Variants in ADCY3 observed in about 807,000 individuals in gnomAD.
The protein encoded by ADCY3 is adenylate cyclase type 3.
Under a neutral mutation model 119.4 loss-of-function variants are expected in ADCY3, and 70 were observed. The ratio of observed to expected loss-of-function variants is 0.59; its 90% CI spans 0.48 to 0.72. The LOEUF is 0.72. Ranked by LOEUF, ADCY3 falls within the 30% of genes least tolerant of loss-of-function variation. The pLI, the probability that ADCY3 is intolerant of heterozygous loss-of-function variation, is 0.00. For missense variants in ADCY3, 1,238 were observed against 1,541.6 expected, an observed-to-expected ratio of 0.80 and a Z score of 3.30; for synonymous variants, 672 against 621.4, an observed-to-expected ratio of 1.08 and a Z score of -1.21.
At chr2:24,821,779 G>C in intron 19 of ADCY3, 139 bp from the exon 20 acceptor site, 1 of 1,308,540 alleles carries the variant, frequency 7.6e-7, no homozygotes, top group Non-Finnish European at 1.0e-6. Context: ...CCACAAAGGA[G>C]TCGCAGCCAC....
At chr2:24,852,194 C>T (rs894081081) in intron 3 of ADCY3, among the ~76,000 whole-genome samples, 8 of 152,262 alleles carry the variant, frequency 5.3e-5, no homozygotes, top group East Asian at 1.9e-4. Flanking sequence ...AACGGCCCAG[C>T]GGCTGCCTCG....
At position 24,886,462 on chromosome 2, in the gene ADCY3, C is replaced by T. The variant is rs935274774; in HGVS notation, c.676-13743G>A. On this transcript the variant is annotated intron_variant, in intron 2 of 21. Transcript: ENST00000679454. ...TTAGCAAACACGCCTCACCTCCACC[C>T]GGACCTTGCAAAGGGCCAGGTGGGA... Among the ~76,000 whole-genome samples, 12 of 152,184 alleles carry T rather than the reference C, an allele frequency of 7.9e-5. No homozygotes were observed. The East Asian group carries it at 1.3e-3, about 17-fold the overall frequency.
intron 18 of ADCY3, 129 bp downstream of exon 18, chr2:24,823,080 C>T: frequency 1.7e-6 from 2 of 1,212,050 alleles, no homozygotes; most frequent in Non-Finnish European, 2.2e-6. Flanking sequence ...CTGCAGAAGT[C>T]CATGTATTGC....
intron 2 of ADCY3, among the ~76,000 whole-genome samples, chr2:24,880,832 G>A (rs569950150): frequency 6.6e-6 from 1 of 152,240 alleles, no homozygotes; most frequent in East Asian, 1.9e-4. Context: ...CCTGGCCAAT[G>A]TGGCGAAACT....
chr2:24,819,832 TC>T lies in ADCY3; in HGVS notation c.*99del. On this transcript the variant is annotated 3_prime_UTR_variant, in exon 22 of 22. Coordinates refer to ENST00000679454, the MANE Select transcript of ADCY3 (RefSeq NM_004036.5). ...GCTGAGGAGGTTTCTAAACCTAAAG[TC>T]CATGAGTGTGCACTTCAATCCAGGA... 7.7e-7 allele frequency: 1 copy of T among 1,296,374 alleles called. No individual in the cohort carries two copies. Among genetic ancestry groups the T allele is most frequent in the South Asian group, 1.4e-5 (1 of 69,688 alleles). The allele number at this position is 1,296,374 out of a possible 1,614,324, so 80.3% of individuals were successfully genotyped here. A position where few individuals can be genotyped will look rare whatever the true frequency, so the allele number is the denominator to read the frequency against.
intron 3 of ADCY3, among the ~76,000 whole-genome samples, chr2:24,860,511 G>C (rs1673500206): frequency 6.6e-6 from 1 of 152,068 alleles, no homozygotes; most frequent in South Asian, 2.1e-4. Flanking sequence ...CAAGGCCTCA[G>C]GGCAGGGCAG....
At chr2:24,840,636 C>T (rs749227009) in intron 6 of ADCY3, 9 of 425,772 alleles carry the variant, frequency 2.1e-5, no homozygotes, top group South Asian at 6.8e-5. Flanking sequence ...CTTCCCTTTC[C>T]GTGTTGGTGC....
rs1189698981 is a variant in ADCY3 at position 24,834,430 on chromosome 2, G to A, written c.1967+55C>T. On this transcript the variant is annotated intron_variant, in intron 11 of 21. Coordinates refer to ENST00000679454, the MANE Select transcript of ADCY3 (RefSeq NM_004036.5). This position sits in a 1 kb window ranked among gnomAD's most constrained non-coding sequence, Gnocchi z 4.2. The stretch of plus-strand genomic sequence containing the variant: ...GCTGAGACACCTGCCCCCGCCCCCC[G>A]CCCGGCACCACCGCAGCCGAGGAAA... The A allele has an allele frequency of 5.3e-5, 73 of 1,371,746 alleles. No individual in the cohort carries two copies. The Middle Eastern group carries it at 8.0e-4, about 15-fold the overall frequency. 85.0% of individuals were successfully genotyped at this position (1,371,746 alleles called of 1,614,324 possible). A position where few individuals can be genotyped will look rare whatever the true frequency, so the allele number is the denominator to read the frequency against.
chr2:24,911,641 A>AC lies in ADCY3; in HGVS notation c.675+6671_675+6672insG, dbSNP rs1459604524. Among the ~76,000 whole-genome samples the AC allele has an allele frequency of 8.4e-4, 49 of 58,072 alleles. 1 individual carries two copies. Among genetic ancestry groups the AC allele is most frequent in the African/African-American group, 1.2e-3 (21 of 17,080 alleles). 38.1% of individuals were successfully genotyped at this position (58,072 alleles called of 152,430 possible). On this transcript the variant is annotated intron_variant, in intron 2 of 21. Coordinates refer to ENST00000679454, the MANE Select transcript of ADCY3 (RefSeq NM_004036.5). ...CTCCAGCCTGGGAGACAGACTCAAA[A>AC]AAAAAAAAAAAAAAAAACACACACA...
chr2:24,866,114 C>T (rs549551299), intron 3 of ADCY3, among the ~76,000 whole-genome samples: 1 of 152,172 alleles, frequency 6.6e-6, no homozygotes, highest in Admixed American at 6.5e-5. Context: ...GACTAAGAGG[C>T]TAAGCTTTCA....
At chr2:24,867,788 T>C (rs901676388) in intron 3 of ADCY3, among the ~76,000 whole-genome samples, 2 of 151,900 alleles carry the variant, frequency 1.3e-5, no homozygotes, top group Non-Finnish European at 2.9e-5. Flanking sequence ...TAAATATAAG[T>C]AAAGAATATT....
In ADCY3 at chr2:24,920,193, G is replaced by A. The variant is rs1315727581; in HGVS notation, c.-708C>T. On this transcript the variant is annotated 5_prime_UTR_variant, in exon 1 of 22. Coordinates refer to ENST00000679454, the MANE Select transcript of ADCY3 (RefSeq NM_004036.5). The surrounding 1 kb of genome is among the most constrained non-coding windows in gnomAD (Gnocchi z 4.5). ...GAGTCCGGGCTCGGCGTGCTGCACA[G>A]CTATTCCCCGCGCGGCGCCGGCGGC... is the stretch of plus-strand genomic sequence containing the variant. Among the ~76,000 whole-genome samples, 1 of 146,076 alleles carries A rather than the reference G, an allele frequency of 6.8e-6. No homozygotes were observed. Among genetic ancestry groups the A allele is most frequent in the African/African-American group, 2.5e-5 (1 of 40,650 alleles).
chr2:24,848,279 G>T (rs1045888453), intron 3 of ADCY3, among the ~76,000 whole-genome samples: 2 of 152,228 alleles, frequency 1.3e-5, no homozygotes, highest in African/African-American at 4.8e-5. Context: ...AGCAATCTGT[G>T]CCTTAAGGAC....
At chr2:24,888,811 T>C (rs10172886) in intron 2 of ADCY3, among the ~76,000 whole-genome samples, 92,153 of 152,154 alleles carry the variant, frequency 0.61, 29,524 homozygotes, top group African/African-American at 0.82. Flanking sequence ...GAGTTTGAGA[T>C]CAGCCTGACC....
chr2:24,841,166 G>A lies in ADCY3; in HGVS notation c.1196+93C>T, dbSNP rs2148573184. On this transcript the variant is annotated intron_variant, in intron 6 of 21. Transcript: ENST00000679454. The surrounding 1 kb of genome is among the most constrained non-coding windows in gnomAD (Gnocchi z 5.8). ...TGCTTCCAGCAGATCCCCCACCCAG[G>A]GGCCATGGCCAGCGCGGAAGACCTG... 7.3e-7 allele frequency: 1 copy of A among 1,373,902 alleles called. No individual in the cohort carries two copies. The highest frequency in any genetic ancestry group is 9.6e-7 in the Non-Finnish European group (1 of 1,038,592). 85.1% of individuals were successfully genotyped at this position (1,373,902 alleles called of 1,614,324 possible).
intron 2 of ADCY3, among the ~76,000 whole-genome samples, chr2:24,895,471 C>T (rs1025393987): frequency 2.6e-5 from 4 of 152,188 alleles, no homozygotes; most frequent in South Asian, 4.2e-4. Flanking sequence ...CAAATTTGGA[C>T]GTTTTCCCAC....
chr2:24,893,225 G>A (rs1022275871), intron 2 of ADCY3, among the ~76,000 whole-genome samples: 5 of 151,950 alleles, frequency 3.3e-5, no homozygotes, highest in Non-Finnish European at 7.4e-5. Flanking sequence ...TTTTGTAGAG[G>A]ACAGATGTGG....
chr2:24,912,504 G>C (rs996152980), intron 2 of ADCY3, among the ~76,000 whole-genome samples: 1 of 152,000 alleles, frequency 6.6e-6, no homozygotes, highest in Non-Finnish European at 1.5e-5. Flanking sequence ...ATCTGACGGA[G>C]GGTTTACCCA....
chr2:24,907,502 T>C (rs562290183), intron 2 of ADCY3, among the ~76,000 whole-genome samples: 2 of 152,184 alleles, frequency 1.3e-5, no homozygotes, highest in East Asian at 3.9e-4. Context: ...AAAGAAACAG[T>C]TTCATTTCTA....
Sources: gnomAD v4.1 joint callset for allele counts (sites outside exome capture counted in the v4.1 genomes callset) on GRCh38, gnomAD v4.1.1 for gene constraint, Gnocchi (gnomAD v3.1) non-coding constraint, MANE v1.5 for transcripts, NCBI Gene and HGNC (gene_info 2026-07-23, HGNC 2026-07-21) for gene names.